The following MSH4 variants were observed in gnomAD, a reference collection of about 807,000 sequenced individuals.
MSH4 encodes mutS protein homolog 4.
MSH4 carries 106 observed loss-of-function variants against 113.7 expected under a neutral mutation model. That is an observed-to-expected ratio of 0.93 (90% CI 0.80 to 1.10). The LOEUF (loss-of-function observed/expected upper bound fraction) is 1.10, where lower values mean the gene tolerates loss of function less well. MSH4 is among the 50% of genes least tolerant of loss of function. The pLI is 0.00. For synonymous variants in MSH4, 368 were observed against 380.2 expected, an observed-to-expected ratio of 0.97 and a Z score of 0.37; for missense variants, 1,061 against 1,093.7, an observed-to-expected ratio of 0.97 and a Z score of 0.42.
intron 1 of MSH4, among the ~76,000 whole-genome samples, chr1:75,799,510 G>A (rs953439262): frequency 1.3e-5 from 2 of 152,168 alleles, no homozygotes; most frequent in African/African-American, 4.8e-5. Flanking sequence ...AGTGGGAAAA[G>A]ACATTTCACA....
chr1:75,894,430 C>G (rs947503401), intron 17 of MSH4, among the ~76,000 whole-genome samples: 3 of 152,172 alleles, frequency 2.0e-5, no homozygotes, highest in African/African-American at 7.2e-5. Context: ...CTGCAGTCAC[C>G]AAGACTGACC....
chr1:75,848,176 G>C (rs781716718), intron 7 of MSH4, 33 bp from the exon 8 acceptor site: 1 of 1,439,374 alleles, frequency 6.9e-7, no homozygotes, highest in South Asian at 1.2e-5. Context: ...GTACCATAAA[G>C]TTTAAATACT....
chr1:75,809,120 C>T (rs5745349), intron 3 of MSH4, among the ~76,000 whole-genome samples: 3,213 of 152,106 alleles, frequency 0.021, 119 homozygotes, highest in African/African-American at 0.074. Flanking sequence ...AAGCTAGTCT[C>T]AAATTCCTTA....
intron 8 of MSH4, among the ~76,000 whole-genome samples, chr1:75,865,873 G>A (rs1651551748): frequency 6.7e-6 from 1 of 148,196 alleles, no homozygotes; most frequent in Non-Finnish European, 1.5e-5. Flanking sequence ...TTGTGTGTAG[G>A]TTGAGGGAAG....
intron 9 of MSH4, among the ~76,000 whole-genome samples, chr1:75,870,365 C>T (rs1182297143): frequency 6.6e-6 from 1 of 152,100 alleles, no homozygotes; most frequent in East Asian, 1.9e-4. Context: ...TGAGTTAAGA[C>T]TTTGGGAGAC....
At chr1:75,897,199 A>G (rs1387276523) in intron 17 of MSH4, among the ~76,000 whole-genome samples, 1 of 152,154 alleles carries the variant, frequency 6.6e-6, no homozygotes, top group African/African-American at 2.4e-5. Flanking sequence ...TTTCATCAAA[A>G]TCACCTAAAG....
intron 8 of MSH4, among the ~76,000 whole-genome samples, chr1:75,866,386 A>G (rs1651563330): frequency 6.6e-6 from 1 of 150,694 alleles, no homozygotes; most frequent in African/African-American, 2.4e-5. Flanking sequence ...CTGGTCTCAA[A>G]CTCTTGAGCT....
chr1:75,882,922 A>G (rs1296672218), intron 14 of MSH4, among the ~76,000 whole-genome samples: 1 of 152,162 alleles, frequency 6.6e-6, no homozygotes, highest in African/African-American at 2.4e-5. Flanking sequence ...AAGGTAGAGT[A>G]AGTAAATATG....
At chr1:75,884,679 ACT>A (rs1418911099) in intron 15 of MSH4, among the ~76,000 whole-genome samples, 1 of 151,972 alleles carries the variant, frequency 6.6e-6, no homozygotes, top group Admixed American at 6.6e-5. Flanking sequence ...AGCCCAAGAT[ACT>A]AGTAGTGTCA....
intron 7 of MSH4, among the ~76,000 whole-genome samples, chr1:75,843,620 C>T (rs1651014575): frequency 6.6e-6 from 1 of 152,120 alleles, no homozygotes; most frequent in South Asian, 2.1e-4. Flanking sequence ...CTCCCTAGAC[C>T]CCTTAGGTAG....
chr1:75,907,429 G>T (rs534988188), intron 19 of MSH4, among the ~76,000 whole-genome samples: 25 of 151,696 alleles, frequency 1.6e-4, no homozygotes, highest in Admixed American at 1.5e-3. Context: ...GCTGCTTTTA[G>T]GATTCTCTTT....
intron 19 of MSH4, among the ~76,000 whole-genome samples, chr1:75,907,684 C>CTCTCTCTCTACA (rs1307238647): frequency 1.1e-4 from 5 of 46,576 alleles, no homozygotes; most frequent in Admixed American, 1.0e-3. Flanking sequence ...CTCTCTCTCT[C>CTCTCTCTCTACA]TATACATATA....
intron 9 of MSH4, among the ~76,000 whole-genome samples, chr1:75,869,138 G>A (rs1291931878): frequency 2.6e-5 from 4 of 152,162 alleles, no homozygotes; most frequent in African/African-American, 9.7e-5. Flanking sequence ...TCCAGGCTGA[G>A]GTGGTCTCAG....
At chr1:75,840,748 T>C (rs1213566942) in intron 7 of MSH4, among the ~76,000 whole-genome samples, 1 of 152,126 alleles carries the variant, frequency 6.6e-6, no homozygotes, top group African/African-American at 2.4e-5. Context: ...TCCTTTATTA[T>C]AGGCATTCTA....
At chr1:75,797,771 C>G (rs1649849889) in intron 1 of MSH4, among the ~76,000 whole-genome samples, 1 of 152,100 alleles carries the variant, frequency 6.6e-6, no homozygotes, top group Non-Finnish European at 1.5e-5. Flanking sequence ...CACCCCCATC[C>G]CCTATCTCTA....
At chr1:75,837,657 G>A (rs1650861920) in intron 7 of MSH4, among the ~76,000 whole-genome samples, 1 of 152,064 alleles carries the variant, frequency 6.6e-6, no homozygotes, top group South Asian at 2.1e-4. Flanking sequence ...CAATGTGCTG[G>A]GATTACAGGC....
intron 7 of MSH4, among the ~76,000 whole-genome samples, chr1:75,841,857 T>C (rs569645847): frequency 2.0e-5 from 3 of 152,314 alleles, no homozygotes; most frequent in East Asian, 3.9e-4. Context: ...TTGCACATAA[T>C]GAAGAATATA....
chr1:75,839,631 C>T (rs545413969), intron 7 of MSH4, among the ~76,000 whole-genome samples: 1 of 152,022 alleles, frequency 6.6e-6, no homozygotes, highest in South Asian at 2.1e-4. Context: ...GTCTAAAACA[C>T]CAAAAGCAAT....
Position 75,888,893 on chromosome 1 carries a change from C to CTTT in MSH4, c.2108-341_2108-339dup, listed in dbSNP as rs74683108. Among the ~76,000 whole-genome samples, 16 of 132,976 alleles carry CTTT rather than the reference C, an allele frequency of 1.2e-4. 1 individual carries two copies. Among genetic ancestry groups the CTTT allele is most frequent in the Admixed American group, 3.1e-4 (4 of 12,700 alleles). 87.2% of individuals were successfully genotyped at this position (132,976 alleles called of 152,430 possible). On this transcript the variant is annotated intron_variant, in intron 15 of 19. Transcript: ENST00000263187. ...TAACTTTGTACAGTAGGTAGGGCAA[C>CTTT]TTTTTTTTTTTTTTTTTTTGAGACG...
Sources: allele counts gnomAD v4.1 joint callset (sites outside exome capture counted in the v4.1 genomes callset), GRCh38; gene constraint gnomAD v4.1.1; transcripts MANE v1.5; gene names NCBI Gene and HGNC (gene_info 2026-07-23, HGNC 2026-07-21).